Variants in LDLRAD3 observed in about 807,000 individuals in gnomAD.
LDLRAD3 encodes low-density lipoprotein receptor class A domain-containing protein 3.
Under a neutral mutation model 29.4 loss-of-function variants are expected in LDLRAD3, and 20 were observed. The observed-to-expected ratio is 0.68, with a 90% CI of 0.48 to 0.99. The LOEUF (loss-of-function observed/expected upper bound fraction) is 0.99, where lower values mean the gene tolerates loss of function less well. Ranked by LOEUF, LDLRAD3 falls within the 50% of genes least tolerant of loss-of-function variation. The pLI, the probability that LDLRAD3 is intolerant of heterozygous loss-of-function variation, is 0.00. For synonymous variants in LDLRAD3, 157 were observed against 192.7 expected (o/e 0.81, Z 1.53); for missense variants, 420 against 454.3 (o/e 0.92, Z 0.69).
At chr11:36,226,995 C>T (rs949514314) in intron 4 of LDLRAD3, 90 bp from the exon 5 acceptor site, 16 of 1,038,914 alleles carry the variant, frequency 1.5e-5, no homozygotes, top group Admixed American at 7.0e-5. Context: ...TGTGAACATT[C>T]GCATGCAAGT....
intron 4 of LDLRAD3, among the ~76,000 whole-genome samples, chr11:36,113,712 C>T (rs916698245): frequency 6.3e-4 from 88 of 139,640 alleles, no homozygotes; most frequent in African/African-American, 2.3e-3. Flanking sequence ...CTTGCTCTGT[C>T]ATCCAGGCTG....
chr11:36,075,849 T>C (rs1025719852), intron 2 of LDLRAD3, among the ~76,000 whole-genome samples: 1 of 152,252 alleles, frequency 6.6e-6, no homozygotes, highest in African/African-American at 2.4e-5. Context: ...GATACCGTTG[T>C]TGATTTTGTT....
intron 1 of LDLRAD3, among the ~76,000 whole-genome samples, chr11:36,013,009 G>A (rs1023169698): frequency 3.9e-5 from 6 of 152,150 alleles, no homozygotes; most frequent in African/African-American, 1.4e-4. Context: ...TGTCCATTTT[G>A]TATAAATCAG....
At chr11:35,962,803 C>T (rs1440148454) in intron 1 of LDLRAD3, among the ~76,000 whole-genome samples, 1 of 152,094 alleles carries the variant, frequency 6.6e-6, no homozygotes, top group African/African-American at 2.4e-5. Context: ...ATGAAAAGGA[C>T]ATTTAGTGGA....
chr11:36,081,514 G>A (rs1565209189), intron 2 of LDLRAD3, 139 bp from the exon 3 acceptor site: 3 of 1,113,662 alleles, frequency 2.7e-6, no homozygotes, highest in African/African-American at 1.5e-5. Context: ...GAGGTGGGTG[G>A]TGGTAATGAG....
intron 4 of LDLRAD3, among the ~76,000 whole-genome samples, chr11:36,198,962 G>A (rs61879037): frequency 0.081 from 12,282 of 151,954 alleles, 545 homozygotes; most frequent in East Asian, 0.19. Context: ...ATGGAATGGC[G>A]CGATCTTGGC....
intron 4 of LDLRAD3, among the ~76,000 whole-genome samples, chr11:36,111,647 C>T (rs539566344): frequency 1.3e-5 from 2 of 150,914 alleles, no homozygotes; most frequent in South Asian, 4.2e-4. Context: ...GTTGCCCAGG[C>T]TGGAGTGCAG....
chr11:36,217,565 C>T (rs1855369206), intron 4 of LDLRAD3, among the ~76,000 whole-genome samples: 1 of 152,194 alleles, frequency 6.6e-6, no homozygotes. Flanking sequence ...AAACGGTCTA[C>T]TTCATAGGAG....
Position 36,213,089 on chromosome 11 carries a change from C to T in LDLRAD3, c.455-13996C>T, listed in dbSNP as rs1261871697. Among the ~76,000 whole-genome samples, 1 of 151,042 alleles carries T rather than the reference C, an allele frequency of 6.6e-6. No individual in the cohort carries two copies. Among genetic ancestry groups the T allele is most frequent in the Non-Finnish European group, 1.5e-5 (1 of 67,754 alleles). ...TCCCCCTCGCTCCCTCCCTCTCTCC[C>T]TCCCTGTTCCTCTTCCACTCCCCCT... On this transcript the variant is annotated intron_variant, in intron 4 of 5. Coordinates refer to ENST00000315571, the MANE Select transcript of LDLRAD3 (RefSeq NM_174902.4). The surrounding 1 kb of genome is among the most constrained non-coding windows in gnomAD (Gnocchi z 4.1).
chr11:36,052,879 C>G (rs1852548479), intron 2 of LDLRAD3, among the ~76,000 whole-genome samples: 1 of 151,888 alleles, frequency 6.6e-6, no homozygotes, highest in Non-Finnish European at 1.5e-5. Context: ...CTGCCCAGGT[C>G]CTAGAAGCTG....
Position 35,991,600 on chromosome 11 carries a change from T to C in LDLRAD3, c.47-44503T>C, listed in dbSNP as rs891079277. Among the ~76,000 whole-genome samples, 13 of 152,340 alleles carry C rather than the reference T, an allele frequency of 8.5e-5. 1 individual carries two copies. Among genetic ancestry groups the C allele is most frequent in the Admixed American group, 8.5e-4 (13 of 15,300 alleles). On this transcript the variant is annotated intron_variant, in intron 1 of 5. Transcript: ENST00000315571. Reference sequence around the variant, plus strand: ...TTCCTTTTCTCCAATGGCGACAGCTTCTTCCAACAACTGGGTCTCTGTTGC... The same window carrying C: ...TTCCTTTTCTCCAATGGCGACAGCTCCTTCCAACAACTGGGTCTCTGTTGC...
At chr11:36,149,257 C>T (rs1854240850) in intron 4 of LDLRAD3, among the ~76,000 whole-genome samples, 1 of 152,164 alleles carries the variant, frequency 6.6e-6, no homozygotes, top group African/African-American at 2.4e-5. Context: ...CATCAGACGT[C>T]AGGGGATGGT....
At chr11:36,055,535 C>G (rs988508497) in intron 2 of LDLRAD3, among the ~76,000 whole-genome samples, 1 of 152,212 alleles carries the variant, frequency 6.6e-6, no homozygotes, top group African/African-American at 2.4e-5. Flanking sequence ...GCTAGGGGCA[C>G]TCCCACTGCT....
chr11:36,031,216 C>T (rs1383205814), intron 1 of LDLRAD3, among the ~76,000 whole-genome samples: 1 of 152,152 alleles, frequency 6.6e-6, no homozygotes, highest in Admixed American at 6.5e-5. Flanking sequence ...CCCAGCTAGC[C>T]AACTTCGTGC....
chr11:35,980,740 G>T (rs867099294), intron 1 of LDLRAD3, among the ~76,000 whole-genome samples: 5 of 152,296 alleles, frequency 3.3e-5, no homozygotes, highest in Non-Finnish European at 7.4e-5. Context: ...AATTTGTATT[G>T]TTAAAACATG....
intron 2 of LDLRAD3, among the ~76,000 whole-genome samples, chr11:36,058,306 C>G (rs1467988083): frequency 2.0e-5 from 3 of 152,162 alleles, no homozygotes; most frequent in Admixed American, 2.0e-4. Flanking sequence ...CACACCACTT[C>G]CCCCAGAAGC....
chr11:36,101,938 G>A (rs1853454003), intron 4 of LDLRAD3: 1 of 278,996 alleles, frequency 3.6e-6, no homozygotes, highest in Non-Finnish European at 6.8e-6. Flanking sequence ...GCCCAGGCTG[G>A]AGTGCAGTGG....
chr11:36,063,907 C>T (rs953562762), intron 2 of LDLRAD3, among the ~76,000 whole-genome samples: 1 of 152,116 alleles, frequency 6.6e-6, no homozygotes, highest in Non-Finnish European at 1.5e-5. Flanking sequence ...TCCCTTGAAT[C>T]TCCATATGAA....
intron 4 of LDLRAD3, among the ~76,000 whole-genome samples, chr11:36,161,127 G>T (rs953345361): frequency 6.6e-6 from 1 of 152,120 alleles, no homozygotes. Flanking sequence ...CAGAATGCCC[G>T]TCTCTCCTTC....
Sources: gnomAD v4.1 joint callset for allele counts (sites outside exome capture counted in the v4.1 genomes callset) on GRCh38, gnomAD v4.1.1 for gene constraint, Gnocchi (gnomAD v3.1) non-coding constraint, MANE v1.5 for transcripts, NCBI Gene and HGNC (gene_info 2026-07-23, HGNC 2026-07-21) for gene names.